The following CRB1 variants were observed in gnomAD, a reference collection of about 807,000 sequenced individuals.
CRB1 encodes crumbs cell polarity complex component 1.
Under a neutral mutation model 120.0 loss-of-function variants are expected in CRB1, and 83 were observed. The ratio of observed to expected loss-of-function variants is 0.69; its 90% CI spans 0.58 to 0.83. The LOEUF (loss-of-function observed/expected upper bound fraction) is 0.83. Among genes scored for constraint, CRB1 ranks in the 40% least tolerant of loss-of-function variants. The pLI is 0.00. For missense variants in CRB1, 1,699 were observed against 1,687.6 expected (o/e 1.01, Z -0.12); for synonymous variants, 625 against 612.5 (o/e 1.02, Z -0.30).
At chr1:197,418,859 A>C (rs1330802365) in intron 5 of CRB1, among the ~76,000 whole-genome samples, 1 of 152,208 alleles carries the variant, frequency 6.6e-6, no homozygotes, top group Non-Finnish European at 1.5e-5. Flanking sequence ...ATGAGATTCT[A>C]GACTAATATG....
chr1:197,211,461 A>G, the CRB1 span, among the ~76,000 whole-genome samples: 1 of 152,206 alleles, frequency 6.6e-6, no homozygotes, highest in South Asian at 2.1e-4. Context: ...GCCAGCATTC[A>G]GTGTCTGGTA....
intron 5 of CRB1, among the ~76,000 whole-genome samples, chr1:197,359,772 GT>G (rs557040991): frequency 2.6e-5 from 4 of 151,902 alleles, no homozygotes; most frequent in Admixed American, 1.3e-4. Flanking sequence ...TGTTATCACT[GT>G]TTTTTTTAAT....
intron 11 of CRB1, among the ~76,000 whole-genome samples, chr1:197,450,254 A>G (rs1213221227): frequency 6.6e-6 from 1 of 152,230 alleles, no homozygotes; most frequent in Non-Finnish European, 1.5e-5. Context: ...TTGTAATCGC[A>G]TAGGTATTTG....
intron 8 of CRB1, among the ~76,000 whole-genome samples, chr1:197,433,694 A>C (rs933423809): frequency 2.0e-5 from 3 of 152,058 alleles, no homozygotes; most frequent in Non-Finnish European, 2.9e-5. Context: ...TTGTATATTG[A>C]TGGGAAACAA....
intron 11 of CRB1, among the ~76,000 whole-genome samples, chr1:197,474,737 G>C (rs867310778): frequency 1.3e-5 from 2 of 152,254 alleles, no homozygotes; most frequent in Admixed American, 6.5e-5. Context: ...GCATGGGTGT[G>C]GGCACTCCCA....
At chr1:197,230,368 A>G in the CRB1 span, among the ~76,000 whole-genome samples, 7 of 152,322 alleles carry the variant, frequency 4.6e-5, no homozygotes, top group East Asian at 1.4e-3. Flanking sequence ...CACTGTTAGA[A>G]TATGCGTTGC....
chr1:197,399,004 A>G (rs928717709), intron 5 of CRB1, among the ~76,000 whole-genome samples: 1 of 151,854 alleles, frequency 6.6e-6, no homozygotes, highest in Non-Finnish European at 1.5e-5. Flanking sequence ...TTTCAGAAGT[A>G]AAGAAGGATT....
intron 2 of CRB1, among the ~76,000 whole-genome samples, chr1:197,343,127 G>A (rs1659568728): frequency 6.6e-6 from 1 of 152,160 alleles, no homozygotes; most frequent in African/African-American, 2.4e-5. Context: ...TCTAGTAACA[G>A]TTGTAAATAA....
chr1:197,421,383 C>G lies in CRB1; in HGVS notation c.1555C>G (p.Pro519Ala), dbSNP rs781414922. The G allele has an allele frequency of 6.2e-7, 1 of 1,614,094 alleles. No individual in the cohort carries two copies. Among genetic ancestry groups the G allele is most frequent in the Non-Finnish European group, 8.5e-7 (1 of 1,180,056 alleles). The change falls in exon 6 of 12, where the codon CCA becomes GCA. Residue 519 changes from proline to alanine, a missense_variant. Pro to Ala is a conservative substitution (Grantham distance 27). Transcript: ENST00000367400. Reference sequence around the variant, plus strand: ...AGCCCTCAGGTTTCAGACTGTTCAGCCAATGGCTCTTCTACTTTTCCGAAG... The same window carrying G: ...AGCCCTCAGGTTTCAGACTGTTCAGGCAATGGCTCTTCTACTTTTCCGAAG... ...NIALRFQTVQ[P>A]MALLLFRSNR...
At chr1:197,374,243 A>G (rs745868939) in intron 5 of CRB1, among the ~76,000 whole-genome samples, 5 of 152,144 alleles carry the variant, frequency 3.3e-5, no homozygotes, top group Non-Finnish European at 2.9e-5. Context: ...GGTTATAGCA[A>G]CAGCCACCAG....
rs1667254326 is a variant in CRB1, at chr1:197,477,656, C to T, written c.4006-8C>T. ...GAATTCGCATCCCAATGATTTCAAT[C>T]TTTCCAGTTGGCAGATGACTTGATC... On this transcript the variant is annotated splice_polypyrimidine_tract_variant and splice_region_variant and intron_variant, in intron 11 of 11. Coordinates refer to ENST00000367400, the MANE Select transcript of CRB1 (RefSeq NM_201253.3). 1 of 1,612,876 alleles carries T rather than the reference C, an allele frequency of 6.2e-7. No individual in the cohort carries two copies. Among genetic ancestry groups the T allele is most frequent in the Non-Finnish European group, 8.5e-7 (1 of 1,178,980 alleles).
At chr1:197,255,779 T>A in the CRB1 span, among the ~76,000 whole-genome samples, 1 of 151,710 alleles carries the variant, frequency 6.6e-6, no homozygotes, top group Admixed American at 6.6e-5. Flanking sequence ...TGATTCAGTC[T>A]AATACTTCAT....
intron 5 of CRB1, chr1:197,413,718 C>G (rs997778193): frequency 1.2e-5 from 3 of 250,806 alleles, no homozygotes; most frequent in Non-Finnish European, 2.5e-5. Flanking sequence ...GGGATAGGAT[C>G]TAAGAATAAC....
At chr1:197,384,776 A>G (rs767247765) in intron 5 of CRB1, among the ~76,000 whole-genome samples, 2 of 152,124 alleles carry the variant, frequency 1.3e-5, no homozygotes, top group African/African-American at 2.4e-5. Context: ...TAATAAGGAC[A>G]TGAATGACCA....
chr1:197,295,764 C>A (rs1656481410), intron 1 of CRB1, among the ~76,000 whole-genome samples: 3 of 151,954 alleles, frequency 2.0e-5, no homozygotes, highest in African/African-American at 4.8e-5. Flanking sequence ...TGAATTAGAT[C>A]TTCTCTGAAG....
At chr1:197,363,310 CAA>C (rs1202403825) in intron 5 of CRB1, among the ~76,000 whole-genome samples, 1 of 151,924 alleles carries the variant, frequency 6.6e-6, no homozygotes. Flanking sequence ...CCTTAGGCCT[CAA>C]GAGTCTTTCT....
rs1661103825 is a variant in CRB1, at chr1:197,366,835, A to T, written c.1171+9822A>T. ...GTAATTGAGAAAAATCTAAAGATCC[A>T]TTTAGATATTTTAATGACTAGAATT... On this transcript the variant is annotated intron_variant, in intron 5 of 11. Transcript: ENST00000367400. Among the ~76,000 whole-genome samples, 4 of 152,210 alleles carry T rather than the reference A, an allele frequency of 2.6e-5. 1 individual carries two copies. The highest frequency in any genetic ancestry group is 1.3e-4 in the Admixed American group (2 of 15,288).
At chr1:197,429,007 T>G (rs1292921479) in intron 7 of CRB1, 1 of 1,525,954 alleles carries the variant, frequency 6.6e-7, no homozygotes, top group Admixed American at 2.0e-5. Flanking sequence ...ACTCACTGAG[T>G]TGGGATCCAG....
chr1:197,417,802 GA>G (rs1232215116), intron 5 of CRB1, among the ~76,000 whole-genome samples: 1 of 152,262 alleles, frequency 6.6e-6, no homozygotes, highest in East Asian at 1.9e-4. Flanking sequence ...TCTTCTAGGG[GA>G]CAAAACACAT....
Sources: gnomAD v4.1 joint callset for allele counts (sites outside exome capture counted in the v4.1 genomes callset) on GRCh38, gnomAD v4.1.1 for gene constraint, MANE v1.5 for transcripts, NCBI Gene and HGNC (gene_info 2026-07-23, HGNC 2026-07-21) for gene names.